The following PPP1R36 variants were observed in gnomAD, a reference collection of about 807,000 sequenced individuals.
The protein encoded by PPP1R36 is chromosome 14 open reading frame 50.
Under a neutral mutation model 53.4 loss-of-function variants are expected in PPP1R36, and 47 were observed. The ratio of observed to expected loss-of-function variants is 0.88; its 90% CI spans 0.70 to 1.12. The LOEUF (loss-of-function observed/expected upper bound fraction) is 1.12. Among genes scored for constraint, PPP1R36 ranks in the 50% most tolerant of loss-of-function variants. The pLI is 0.00. For synonymous variants in PPP1R36, 153 were observed against 170.5 expected (o/e 0.90, Z 0.80); for missense variants, 456 against 513.9 (o/e 0.89, Z 1.09).
chr14:64,567,794 T>G (rs927891067), intron 6 of PPP1R36, among the ~76,000 whole-genome samples: 2 of 152,294 alleles, frequency 1.3e-5, no homozygotes, highest in Non-Finnish European at 2.9e-5. Flanking sequence ...CCCAACTAGC[T>G]GGGATTACAG....
intron 8 of PPP1R36, among the ~76,000 whole-genome samples, chr14:64,582,418 T>A (rs1024073103): frequency 2.0e-5 from 3 of 152,212 alleles, no homozygotes; most frequent in African/African-American, 7.2e-5. Context: ...GAGAGCATCA[T>A]AACAGGCCAC....
At chr14:64,552,028 A>G (rs2080097797) in intron 2 of PPP1R36, among the ~76,000 whole-genome samples, 1 of 152,370 alleles carries the variant, frequency 6.6e-6, no homozygotes, top group African/African-American at 2.4e-5. Context: ...CAAAGGACTA[A>G]GAAATACTTA....
At chr14:64,576,225 C>T (rs2080341106) in intron 8 of PPP1R36, among the ~76,000 whole-genome samples, 1 of 151,712 alleles carries the variant, frequency 6.6e-6, no homozygotes, top group Admixed American at 6.6e-5. Flanking sequence ...GGATTACAGG[C>T]ACACACCACC....
chr14:64,561,954 G>C, intron 3 of PPP1R36: 1 of 394,354 alleles, frequency 2.5e-6, no homozygotes, highest in South Asian at 1.8e-5. Context: ...TGGAAGCCAA[G>C]AGTGGTCCAG....
intron 6 of PPP1R36, among the ~76,000 whole-genome samples, chr14:64,567,141 C>T (rs2080265546): frequency 6.6e-6 from 1 of 152,190 alleles, no homozygotes; most frequent in Non-Finnish European, 1.5e-5. Context: ...TAATGCTCAC[C>T]CTCATCCTGC....
intron 6 of PPP1R36, among the ~76,000 whole-genome samples, chr14:64,566,104 C>A (rs1025064482): frequency 7.9e-5 from 12 of 152,138 alleles, no homozygotes; most frequent in Admixed American, 7.2e-4. Flanking sequence ...CCCGTCTCTA[C>A]TAAAAATACA....
chr14:64,572,672 G>A (rs1473277000), intron 7 of PPP1R36, among the ~76,000 whole-genome samples: 1 of 152,206 alleles, frequency 6.6e-6, no homozygotes. Flanking sequence ...AGAGAGGGTT[G>A]CACTGGGAAT....
intron 8 of PPP1R36, 179 bp from the exon 9 acceptor site, chr14:64,586,658 T>C: frequency 2.0e-6 from 1 of 506,464 alleles, no homozygotes; most frequent in Admixed American, 3.6e-5. Context: ...CTGGGTAACG[T>C]AGGAGGTTGA....
intron 3 of PPP1R36, 87 bp downstream of exon 3, chr14:64,552,948 GAA>G: frequency 1.6e-6 from 2 of 1,232,962 alleles, no homozygotes; most frequent in Non-Finnish European, 2.3e-6. Context: ...AAGCACAAGA[GAA>G]TGTGTGTATA....
intron 4 of PPP1R36, among the ~76,000 whole-genome samples, 194 bp from the exon 5 acceptor site, chr14:64,565,163 A>C (rs1373237014): frequency 6.6e-6 from 1 of 152,232 alleles, no homozygotes; most frequent in African/African-American, 2.4e-5. Flanking sequence ...GGCAGTGAAC[A>C]TCCCTCTTGC....
intron 6 of PPP1R36, among the ~76,000 whole-genome samples, chr14:64,568,012 GGAGA>G (rs1002800154): frequency 6.6e-6 from 1 of 152,086 alleles, no homozygotes; most frequent in African/African-American, 2.4e-5. Context: ...AGAGGTAGGA[GGAGA>G]GAATTTTTAC....
chr14:64,572,962 AGG>A (rs1443209072), intron 7 of PPP1R36, among the ~76,000 whole-genome samples: 1 of 152,124 alleles, frequency 6.6e-6, no homozygotes, highest in East Asian at 1.9e-4. Context: ...CATGAGGGGA[AGG>A]GGGTGTATTA....
At chr14:64,554,523 C>G (rs763366342) in intron 3 of PPP1R36, among the ~76,000 whole-genome samples, 1 of 149,382 alleles carries the variant, frequency 6.7e-6, no homozygotes, top group Non-Finnish European at 1.5e-5. Context: ...CTGTTCAAAC[C>G]TAAGTCAGAG....
chr14:64,552,561 G>A (rs544407703), intron 2 of PPP1R36: 53 of 352,916 alleles, frequency 1.5e-4, no homozygotes, highest in African/African-American at 1.5e-3. Context: ...ACATTAATAC[G>A]TCTTGGGCTG....
chr14:64,585,484 T>C (rs1261443119), intron 8 of PPP1R36, among the ~76,000 whole-genome samples: 2 of 134,938 alleles, frequency 1.5e-5, no homozygotes, highest in Non-Finnish European at 3.1e-5. Context: ...GCTACTGTGC[T>C]CCAGCCTGGA....
intron 6 of PPP1R36, 49 bp downstream of exon 6, chr14:64,565,741 A>T: frequency 1.5e-6 from 2 of 1,364,056 alleles, no homozygotes; most frequent in Admixed American, 1.7e-5. Flanking sequence ...TTTATTTTTC[A>T]GTAACTTCAT....
chr14:64,552,750 A>G (rs2080105778), intron 2 of PPP1R36, 64 bp from the exon 3 acceptor site: 3 of 1,260,222 alleles, frequency 2.4e-6, no homozygotes, highest in Non-Finnish European at 3.5e-6. Flanking sequence ...TTTATAGAAT[A>G]TGTATTTCAG....
At position 64,589,237 on chromosome 14, in the gene PPP1R36, G is replaced by A. The variant is rs777008538; in HGVS notation, c.1168G>A (p.Gly390Arg). 1.9e-6 allele frequency: 3 copies of A among 1,613,802 alleles called. No homozygotes were observed. The East Asian group carries it at 6.7e-5, about 36-fold the overall frequency. ...TCCAGAAGAAAACACAAAATCATTTGGGAGATATCCTTCCTTGATGGAAAA... is the reference window on the plus strand; with the variant it reads ...TCCAGAAGAAAACACAAAATCATTTAGGAGATATCCTTCCTTGATGGAAAA... ...LDPEENTKSF[G>R]RYPSLMENNN... The change falls in exon 12 of 12, where the codon GGG (glycine) becomes AGG (arginine). Residue 390 changes from glycine to arginine, a missense_variant. By Grantham distance (125) the Gly-to-Arg change is moderately radical. Transcript: ENST00000298705.
chr14:64,560,103 C>CAAAAAAAAAAA (rs1171697200), intron 3 of PPP1R36, among the ~76,000 whole-genome samples: 2 of 27,448 alleles, frequency 7.3e-5, no homozygotes, highest in African/African-American at 1.1e-4. Context: ...GAATCTGTCA[C>CAAAAAAAAAAA]AAAAAAAAAA....
Sources: gnomAD v4.1 joint callset for allele counts (sites outside exome capture counted in the v4.1 genomes callset) on GRCh38, gnomAD v4.1.1 for gene constraint, MANE v1.5 for transcripts, NCBI Gene and HGNC (gene_info 2026-07-23, HGNC 2026-07-21) for gene names.